FRMD4B: variants seen among roughly 807,000 people sequenced by gnomAD.
The protein encoded by FRMD4B is FERM domain-containing protein 4B.
In FRMD4B, 74 loss-of-function variants were observed where a neutral mutation model predicts 141.5. The observed-to-expected ratio is 0.52, with a 90% CI of 0.43 to 0.63. The LOEUF (loss-of-function observed/expected upper bound fraction) is 0.63, where lower values mean the gene tolerates loss of function less well. FRMD4B is among the 30% of genes least tolerant of loss of function. The pLI is 0.00. For missense variants in FRMD4B, 1,366 were observed against 1,253.4 expected, an observed-to-expected ratio of 1.09 and a Z score of -1.36; for synonymous variants, 506 against 467.9, an observed-to-expected ratio of 1.08 and a Z score of -1.05.
intron 19 of FRMD4B, among the ~76,000 whole-genome samples, chr3:69,185,024 C>A (rs2092749886): frequency 6.6e-6 from 1 of 152,106 alleles, no homozygotes; most frequent in South Asian, 2.1e-4. Flanking sequence ...AACAATGTGA[C>A]CTGGCGCGGT....
intron 1 of FRMD4B, among the ~76,000 whole-genome samples, chr3:69,346,658 G>T (rs1385090373): frequency 6.6e-6 from 1 of 152,202 alleles, no homozygotes; most frequent in East Asian, 1.9e-4. Flanking sequence ...CAAGCCAGAA[G>T]AGAGTGGGGG....
chr3:69,386,110 G>T, upstream of FRMD4B: 3 of 906,232 alleles, frequency 3.3e-6, no homozygotes, highest in Non-Finnish European at 4.8e-6. Context: ...GGTCAAGCCT[G>T]CCACCAAACT....
At chr3:69,324,245 G>A (rs1702107688) in intron 1 of FRMD4B, among the ~76,000 whole-genome samples, 1 of 152,166 alleles carries the variant, frequency 6.6e-6, no homozygotes, top group Admixed American at 6.5e-5. Flanking sequence ...GTGGCCTCCT[G>A]GACCTGACTC....
chr3:69,404,555 T>C lies in FRMD4B; in HGVS notation c.-1+28079A>G, dbSNP rs568661090. On this transcript the variant is annotated intron_variant, in intron 2 of 5. Coordinates refer to the FRMD4B transcript ENST00000459638. Reference sequence around the variant, plus strand: ...TGGCCTCTATTTTACTTTATTATTATTACTTCTATTATGGTAAAGCTGAAA... The same window carrying C: ...TGGCCTCTATTTTACTTTATTATTACTACTTCTATTATGGTAAAGCTGAAA... Among the ~76,000 whole-genome samples, 12 of 152,336 alleles carry C rather than the reference T, an allele frequency of 7.9e-5. No individual in the cohort carries two copies. The South Asian group carries it at 1.2e-3, about 16-fold the overall frequency.
chr3:69,235,197 A>ATAATAATAT (rs1174513919), intron 7 of FRMD4B, among the ~76,000 whole-genome samples: 1 of 141,104 alleles, frequency 7.1e-6, no homozygotes, highest in East Asian at 2.0e-4. Flanking sequence ...AATAATAATA[A>ATAATAATAT]TATTTTCAAG....
chr3:69,509,539 GC>G (rs1706655986), intron 1 of FRMD4B, among the ~76,000 whole-genome samples: 1 of 152,114 alleles, frequency 6.6e-6, no homozygotes, highest in Non-Finnish European at 1.5e-5. Flanking sequence ...CTCTAAAGAA[GC>G]ATTTGATGAA....
chr3:69,302,122 T>C (rs1701236516), intron 4 of FRMD4B, among the ~76,000 whole-genome samples: 2 of 152,176 alleles, frequency 1.3e-5, no homozygotes, highest in Non-Finnish European at 2.9e-5. Flanking sequence ...ACTCTATCCT[T>C]CATCTTCAAA....
chr3:69,189,948 G>T lies in FRMD4B; in HGVS notation c.1719C>A (p.Asp573Glu). The T allele has an allele frequency of 6.3e-7, 1 of 1,582,774 alleles. No individual in the cohort carries two copies. Among genetic ancestry groups the T allele is most frequent in the Non-Finnish European group, 8.7e-7 (1 of 1,152,112 alleles). Residue 573 changes from aspartate (D) to glutamate (E), a missense_variant, in exon 18 of 23, where the codon GAC becomes GAA. Asp to Glu is a conservative substitution (Grantham distance 45). Transcript: ENST00000398540. ...PSQKATVLPE[D>E]IIPSESSSLS... ...AAGAGCTACTCTCTGAGGGGATTAT[G>T]TCTTCTGTGAATAAAAATAACTGCC...
intron 1 of FRMD4B, among the ~76,000 whole-genome samples, chr3:69,484,663 C>A (rs1203411614): frequency 6.6e-6 from 1 of 152,008 alleles, no homozygotes; most frequent in East Asian, 1.9e-4. Flanking sequence ...CTGCAGGTCC[C>A]TGAAGCTCTT....
chr3:69,327,628 T>C (rs2107315538), intron 1 of FRMD4B, among the ~76,000 whole-genome samples: 1 of 152,370 alleles, frequency 6.6e-6, no homozygotes, highest in African/African-American at 2.4e-5. Context: ...AGGTAGAGGC[T>C]GAAATAAGTC....
At chr3:69,479,753 T>A (rs1706084717) in intron 1 of FRMD4B, among the ~76,000 whole-genome samples, 1 of 152,242 alleles carries the variant, frequency 6.6e-6, no homozygotes, top group Non-Finnish European at 1.5e-5. Flanking sequence ...AATGTTGGCC[T>A]GCCTTGCTAG....
intron 1 of FRMD4B, among the ~76,000 whole-genome samples, chr3:69,366,269 AAACAAAAACAAAAAC>A (rs1703651036): frequency 9.6e-6 from 1 of 103,762 alleles, no homozygotes; most frequent in African/African-American, 4.4e-5. Context: ...CAAAAAACAA[AAACAAAAACAAAAAC>A]AAAAAAAATT....
chr3:69,520,050 CATATATATATATGATGGA>C (rs1174455277), intron 1 of FRMD4B, among the ~76,000 whole-genome samples: 44 of 76,582 alleles, frequency 5.7e-4, no homozygotes, highest in Non-Finnish European at 8.2e-4. Context: ...ATATTCCATC[CATATATATATATGATGGA>C]ATATATATAT....
At position 69,181,097 on chromosome 3, in the gene FRMD4B, G is replaced by T; in HGVS notation, c.2653C>A (p.His885Asn). ...LPRKAAAKSE[H>N]ITKNIHKALV... is the part of the protein sequence containing the mutation. Reference sequence around the variant, plus strand: ...GCCTTGTGGATGTTTTTGGTGATGTGCTCCGATTTTGCAGCAGCCTTCCTT... The same window carrying T: ...GCCTTGTGGATGTTTTTGGTGATGTTCTCCGATTTTGCAGCAGCCTTCCTT... Residue 885 changes from histidine (H) to asparagine (N), a missense_variant, in exon 21 of 23, where the codon CAC becomes AAC. Transcript: ENST00000398540. The T allele has an allele frequency of 1.2e-6, 2 of 1,613,998 alleles. No homozygotes were observed. The highest frequency in any genetic ancestry group is 1.7e-6 in the Non-Finnish European group (2 of 1,179,894).
At chr3:69,393,351 T>C in intron 2 of FRMD4B, among the ~76,000 whole-genome samples, 1 of 142,028 alleles carries the variant, frequency 7.0e-6, no homozygotes, top group Non-Finnish European at 1.5e-5. Flanking sequence ...AAAAAGAGCG[T>C]CATGGTGTGA....
chr3:69,424,050 C>T (rs2106816572), intron 2 of FRMD4B, among the ~76,000 whole-genome samples: 1 of 152,284 alleles, frequency 6.6e-6, no homozygotes, highest in Middle Eastern at 3.4e-3. Context: ...TTCATTCAAA[C>T]ATGAATTATA....
chr3:69,340,732 T>A (rs1702711681), intron 1 of FRMD4B, among the ~76,000 whole-genome samples: 2 of 152,190 alleles, frequency 1.3e-5, no homozygotes, highest in South Asian at 4.1e-4. Flanking sequence ...AGCTTTGGGT[T>A]CCATAGCTCT....
intron 1 of FRMD4B, among the ~76,000 whole-genome samples, chr3:69,497,458 T>C (rs759618835): frequency 3.9e-5 from 6 of 152,206 alleles, no homozygotes; most frequent in Non-Finnish European, 5.9e-5. Flanking sequence ...CTCATTGTTT[T>C]AGTATTCGTG....
intron 4 of FRMD4B, among the ~76,000 whole-genome samples, chr3:69,299,844 G>A (rs1291182177): frequency 6.7e-6 from 1 of 149,924 alleles, no homozygotes; most frequent in East Asian, 2.0e-4. Context: ...CATGAATGAG[G>A]GGCTTCTGTG....
Sources: gnomAD v4.1 joint callset for allele counts (sites outside exome capture counted in the v4.1 genomes callset) on GRCh38, gnomAD v4.1.1 for gene constraint, MANE v1.5 for transcripts, NCBI Gene and HGNC (gene_info 2026-07-23, HGNC 2026-07-21) for gene names.